EIF4B: variants seen among roughly 807,000 people sequenced by gnomAD.
EIF4B encodes the protein eukaryotic translation initiation factor 4B.
A neutral mutation model predicts 79.3 loss-of-function variants in EIF4B; 8 were observed. That is an observed-to-expected ratio of 0.10 (90% CI 0.06 to 0.18). The LOEUF (loss-of-function observed/expected upper bound fraction) is 0.18. EIF4B is among the 10% of genes least tolerant of loss of function. EIF4B has a pLI of 1.00. For synonymous variants in EIF4B, 238 were observed against 274.7 expected (o/e 0.87, Z 1.32); for missense variants, 515 against 792.4 (o/e 0.65, Z 4.20).
At chr12:53,014,412 CAA>C (rs367885369) in intron 1 of EIF4B, among the ~76,000 whole-genome samples, 11 of 64,134 alleles carry the variant, frequency 1.7e-4, no homozygotes, top group Admixed American at 1.8e-4. Flanking sequence ...GACTCCGTCT[CAA>C]AAAAAAAAAA....
intron 3 of EIF4B, 120 bp downstream of exon 3, chr12:53,019,126 T>G: frequency 8.2e-7 from 1 of 1,219,674 alleles, no homozygotes. Flanking sequence ...AGGCCGGGAA[T>G]GGTGGCTCAC....
In EIF4B at chr12:53,018,888, G is replaced by A. The variant is rs1160237838; in HGVS notation, c.242G>A (p.Arg81Gln). The A allele has an allele frequency of 5.6e-6, 9 of 1,613,698 alleles. No individual in the cohort carries two copies. The highest frequency in any genetic ancestry group is 2.2e-5 in the South Asian group (2 of 91,056). The change falls in exon 3 of 15, where the codon CGG becomes CAG. Residue 81 changes from arginine (R) to glutamine (Q), a missense_variant. By Grantham distance (43) the Arg-to-Gln change is conservative. Around this residue, in one of 6 missense-constraint regions of EIF4B, gnomAD observed 105 missense variants for 177.2 expected, o/e 0.59. Transcript: ENST00000262056. ...CTTCCCACTGCTCCACGGGCTGCTC[G>A]GGAACCCAATATCGACCGGAGCCGT... ...SILPTAPRAAREPNIDRSRLP... is the reference protein window; with the variant it reads ...SILPTAPRAAQEPNIDRSRLP...
intron 1 of EIF4B, among the ~76,000 whole-genome samples, chr12:53,012,848 C>T (rs546144540): frequency 1.2e-3 from 179 of 152,160 alleles, no homozygotes; most frequent in African/African-American, 4.2e-3. Context: ...CCTCGTGATC[C>T]ACCCGCCTCG....
At chr12:53,018,123 T>G (rs1481614475) in intron 2 of EIF4B, among the ~76,000 whole-genome samples, 2 of 152,198 alleles carry the variant, frequency 1.3e-5, no homozygotes, top group African/African-American at 4.8e-5. Flanking sequence ...CCCAAGTAGA[T>G]GGGATTACTG....
chr12:53,030,651 T>C (rs1183223905), intron 8 of EIF4B, among the ~76,000 whole-genome samples: 9 of 151,736 alleles, frequency 5.9e-5, no homozygotes, highest in African/African-American at 2.2e-4. Flanking sequence ...ACCTTGTGAT[T>C]CGCCCGCCTC....
At chr12:53,007,457 T>G (rs1371106174) in intron 1 of EIF4B, among the ~76,000 whole-genome samples, 3 of 138,092 alleles carry the variant, frequency 2.2e-5, no homozygotes, top group African/African-American at 8.9e-5. Flanking sequence ...TTAAGGTAAC[T>G]GTGCAACTAC....
At position 53,039,911 on chromosome 12, in the gene EIF4B, C is replaced by G. The variant is rs1411203664; in HGVS notation, c.1755+209C>G. 5 of 751,078 alleles carry G rather than the reference C, an allele frequency of 6.7e-6. No individual in the cohort carries two copies. The African/African-American group carries it at 8.8e-5, about 13-fold the overall frequency. The allele number at this position is 751,078 out of a possible 1,614,324, so 46.5% of individuals were successfully genotyped here. On this transcript the variant is annotated intron_variant, in intron 14 of 14. Transcript: ENST00000262056. ...TAGCTTTTTCCTGGTTTCTGTCTTC[C>G]TTTGTTCTCATCCCTTCTGCAAGGT...
At chr12:53,012,511 A>G (rs547073665) in intron 1 of EIF4B, among the ~76,000 whole-genome samples, 1 of 150,912 alleles carries the variant, frequency 6.6e-6, no homozygotes, top group East Asian at 2.0e-4. Flanking sequence ...CCGAGATTCC[A>G]CCATTGCACT....
At chr12:53,031,750 A>T (rs1943450765) in intron 8 of EIF4B, among the ~76,000 whole-genome samples, 1 of 152,230 alleles carries the variant, frequency 6.6e-6, no homozygotes, top group Non-Finnish European at 1.5e-5. Context: ...CTCTATCTAC[A>T]GGTACTATGT....
At chr12:53,025,254 A>G (rs1252147271) in intron 6 of EIF4B, 2 of 455,762 alleles carry the variant, frequency 4.4e-6, no homozygotes, top group Non-Finnish European at 8.8e-6. Context: ...AAGAAAAAGC[A>G]GACAATCAGA....
At chr12:53,034,058 C>T in intron 9 of EIF4B, 24 bp downstream of exon 9, 2 of 1,587,500 alleles carry the variant, frequency 1.3e-6, no homozygotes, top group Non-Finnish European at 1.7e-6. Context: ...ATGGATATCC[C>T]ATCTAGGAAT....
Position 53,033,977 on chromosome 12 carries a change from A to T in EIF4B, c.1151A>T (p.Gln384Leu). ...REVEERLQKE[Q>L]EKLQRQLDEP... ...GTAGAAGAACGGCTACAGAAGGAAC[A>T]AGAGAAGTTGCAGCGTCAGCTGGAT... The change falls in exon 9 of 15, where the codon CAA becomes CTA. Residue 384 changes from glutamine (Q) to leucine (L), a missense_variant. By Grantham distance (113) the Gln-to-Leu change is moderately radical. Around this residue, in one of 6 missense-constraint regions of EIF4B, gnomAD observed 146 missense variants for 228.0 expected, o/e 0.64. Transcript: ENST00000262056. The T allele has an allele frequency of 6.2e-7, 1 of 1,613,996 alleles. No individual in the cohort carries two copies. Among genetic ancestry groups the T allele is most frequent in the Non-Finnish European group, 8.5e-7 (1 of 1,179,940 alleles).
intron 4 of EIF4B, among the ~76,000 whole-genome samples, chr12:53,020,478 C>T (rs1027724716): frequency 2.0e-5 from 3 of 152,150 alleles, no homozygotes; most frequent in African/African-American, 7.2e-5. Flanking sequence ...ACATTTCCTA[C>T]AAAGGAATAT....
intron 1 of EIF4B, chr12:53,013,914 AC>A (rs1245561840): frequency 6.6e-6 from 1 of 152,204 alleles, no homozygotes; most frequent in Admixed American, 6.6e-5. Flanking sequence ...TAATCCCAGC[AC>A]TTTGGAAGGC....
intron 3 of EIF4B, among the ~76,000 whole-genome samples, 191 bp downstream of exon 3, chr12:53,019,197 G>A (rs1943196732): frequency 6.6e-6 from 1 of 152,018 alleles, no homozygotes; most frequent in Non-Finnish European, 1.5e-5. Context: ...TCAGGAATTC[G>A]AGTCCAGCCT....
chr12:53,034,834 C>T (rs143839645), intron 10 of EIF4B, 125 bp downstream of exon 10: 15 of 1,008,688 alleles, frequency 1.5e-5, no homozygotes, highest in Middle Eastern at 2.1e-4. Flanking sequence ...TTGCATGGGC[C>T]GATTGGAGTT....
At chr12:53,031,002 C>G (rs907962940) in intron 8 of EIF4B, among the ~76,000 whole-genome samples, 27 of 151,994 alleles carry the variant, frequency 1.8e-4, no homozygotes, top group African/African-American at 6.0e-4. Context: ...CTCTTACCCC[C>G]CCATTCCCTC....
intron 8 of EIF4B, among the ~76,000 whole-genome samples, chr12:53,029,209 C>G (rs1943391924): frequency 1.3e-5 from 2 of 151,840 alleles, no homozygotes; most frequent in Non-Finnish European, 2.9e-5. Flanking sequence ...TGCACCTATT[C>G]TAAAATTATG....
intron 1 of EIF4B, among the ~76,000 whole-genome samples, chr12:53,009,034 CA>C (rs937645622): frequency 1.5e-4 from 23 of 151,030 alleles, no homozygotes; most frequent in African/African-American, 5.3e-4. Flanking sequence ...GACTCCATTT[CA>C]AAAAAAAATC....
Sources: gnomAD v4.1 joint callset for allele counts (sites outside exome capture counted in the v4.1 genomes callset) on GRCh38, gnomAD v4.1.1 for gene constraint, gnomAD v4.1.1 regional missense constraint, MANE v1.5 for transcripts, NCBI Gene and HGNC (gene_info 2026-07-23, HGNC 2026-07-21) for gene names.